Variants in SPAG16 observed in about 807,000 individuals in gnomAD.
SPAG16 encodes sperm associated antigen 16, also known as sperm-associated antigen 16 protein.
Under a neutral mutation model 80.4 loss-of-function variants are expected in SPAG16, and 86 were observed. The ratio of observed to expected loss-of-function variants is 1.07; its 90% CI spans 0.90 to 1.28. The LOEUF (loss-of-function observed/expected upper bound fraction) is 1.28, where lower values mean the gene tolerates loss of function less well. Among genes scored for constraint, SPAG16 ranks in the 50% most tolerant of loss-of-function variants. The pLI is 0.00. For missense variants in SPAG16, 870 were observed against 765.3 expected (o/e 1.14, Z -1.61); for synonymous variants, 294 against 265.9 (o/e 1.11, Z -1.03).
At chr2:213,672,335 C>G (rs1273390564) in intron 10 of SPAG16, among the ~76,000 whole-genome samples, 1 of 151,706 alleles carries the variant, frequency 6.6e-6, no homozygotes. Flanking sequence ...GCTCTTTTTT[C>G]TTCTTTTCCT....
intron 10 of SPAG16, among the ~76,000 whole-genome samples, chr2:213,718,540 C>A (rs1457863723): frequency 6.6e-6 from 1 of 152,224 alleles, no homozygotes; most frequent in Non-Finnish European, 1.5e-5. Context: ...TGCAGGCCAG[C>A]TGGAGTTCCG....
At chr2:213,921,029 A>G (rs563672397) in intron 11 of SPAG16, among the ~76,000 whole-genome samples, 1 of 152,288 alleles carries the variant, frequency 6.6e-6, no homozygotes, top group African/African-American at 2.4e-5. Flanking sequence ...GTTGGAGGGT[A>G]GGAATTAGTC....
At chr2:213,582,388 A>G (rs1229856846) in intron 10 of SPAG16, among the ~76,000 whole-genome samples, 1 of 152,114 alleles carries the variant, frequency 6.6e-6, no homozygotes, top group Non-Finnish European at 1.5e-5. Context: ...GTTCTTTCTT[A>G]TACAAAAGCA....
At chr2:213,759,803 G>A (rs942007925) in intron 10 of SPAG16, among the ~76,000 whole-genome samples, 4 of 152,162 alleles carry the variant, frequency 2.6e-5, no homozygotes, top group African/African-American at 9.7e-5. Flanking sequence ...TTGGGAGGCC[G>A]AGGTGGGTGG....
intron 11 of SPAG16, among the ~76,000 whole-genome samples, chr2:213,901,721 TATA>T (rs1219739013): frequency 3.3e-5 from 5 of 152,122 alleles, no homozygotes; most frequent in African/African-American, 1.2e-4. Context: ...TACAATAATC[TATA>T]GCACAGCATC....
At chr2:213,869,284 TA>T (rs1398206620) in intron 11 of SPAG16, among the ~76,000 whole-genome samples, 1 of 117,580 alleles carries the variant, frequency 8.5e-6, no homozygotes, top group Non-Finnish European at 1.9e-5. Context: ...TATATATGTA[TA>T]TATATATGTA....
At chr2:213,767,394 G>A in intron 10 of SPAG16, among the ~76,000 whole-genome samples, 1 of 152,106 alleles carries the variant, frequency 6.6e-6, no homozygotes, top group Non-Finnish European at 1.5e-5. Context: ...AAGGCTGGGT[G>A]CAGTGGCTCA....
chr2:213,710,830 C>T (rs1238441762), intron 10 of SPAG16, among the ~76,000 whole-genome samples: 1 of 152,138 alleles, frequency 6.6e-6, no homozygotes, highest in African/African-American at 2.4e-5. Flanking sequence ...TTTCTTTTCT[C>T]CCATCCTGAT....
chr2:213,956,508 T>C (rs2106338479), intron 12 of SPAG16, among the ~76,000 whole-genome samples: 1 of 144,376 alleles, frequency 6.9e-6, no homozygotes, highest in South Asian at 2.2e-4. Flanking sequence ...AGTGCAGTGG[T>C]GTAATCTCGG....
intron 6 of SPAG16, among the ~76,000 whole-genome samples, chr2:213,346,302 A>G (rs983600392): frequency 5.3e-5 from 8 of 152,162 alleles, no homozygotes; most frequent in African/African-American, 1.9e-4. Context: ...GGGGTTTTCT[A>G]GATATACAAT....
At chr2:213,710,954 T>C (rs773841194) in intron 10 of SPAG16, among the ~76,000 whole-genome samples, 1 of 152,144 alleles carries the variant, frequency 6.6e-6, no homozygotes, top group Non-Finnish European at 1.5e-5. Flanking sequence ...GCAAAAACCT[T>C]TTCTGGAATT....
rs757910477 is a variant in SPAG16 at position 213,350,646 on chromosome 2, GTAAAGATATAGTCAAAGC to G, written c.762+5_762+22del. ...GGAAAGAGACAAAGTAGTTGGGCAGGTAAAGATATAGTCAAAGCTAACTTAAAATGATCTTTTAATCAT... is the reference window on the plus strand; with the variant it reads ...GGAAAGAGACAAAGTAGTTGGGCAGGTAACTTAAAATGATCTTTTAATCAT... On this transcript the variant is annotated splice_donor_variant and splice_donor_5th_base_variant and intron_variant, in intron 7 of 15. Coordinates refer to ENST00000331683, the MANE Select transcript of SPAG16 (RefSeq NM_024532.5). LOFTEE classifies it high-confidence loss of function. The G allele has an allele frequency of 6.5e-7, 1 of 1,529,112 alleles. No individual in the cohort carries two copies. Among genetic ancestry groups the G allele is most frequent in the South Asian group, 1.2e-5 (1 of 81,682 alleles). The allele number at this position is 1,529,112 out of a possible 1,614,324, so 94.7% of individuals were successfully genotyped here. A position where few individuals can be genotyped will look rare whatever the true frequency, so the allele number is the denominator to read the frequency against.
chr2:214,388,810 A>G (rs1267983418), intron 15 of SPAG16, among the ~76,000 whole-genome samples: 1 of 152,210 alleles, frequency 6.6e-6, no homozygotes, highest in Non-Finnish European at 1.5e-5. Context: ...ATATGAATAT[A>G]CCACATATAT....
chr2:213,576,641 C>T (rs2060136930), intron 10 of SPAG16, among the ~76,000 whole-genome samples: 4 of 151,966 alleles, frequency 2.6e-5, no homozygotes, highest in African/African-American at 7.3e-5. Flanking sequence ...TACTATGGAG[C>T]CATAAAAAAG....
At chr2:213,520,280 T>A (rs2075609828) in intron 10 of SPAG16, among the ~76,000 whole-genome samples, 1 of 152,134 alleles carries the variant, frequency 6.6e-6, no homozygotes, top group Admixed American at 6.5e-5. Flanking sequence ...ACTTATGGCC[T>A]CCAGAACTGT....
At chr2:213,292,593 G>A (rs1050956933) in intron 1 of SPAG16, among the ~76,000 whole-genome samples, 10 of 147,570 alleles carry the variant, frequency 6.8e-5, no homozygotes, top group African/African-American at 2.3e-4. Context: ...GAACCCGGGA[G>A]GCGGAGCTTG....
intron 12 of SPAG16, among the ~76,000 whole-genome samples, chr2:213,968,349 C>T (rs1326593329): frequency 6.6e-6 from 1 of 151,994 alleles, no homozygotes; most frequent in Non-Finnish European, 1.5e-5. Flanking sequence ...CCTGCCACCA[C>T]ACCTGCCACC....
chr2:214,369,488 A>G (rs985308257), intron 15 of SPAG16, among the ~76,000 whole-genome samples: 2 of 151,876 alleles, frequency 1.3e-5, no homozygotes, highest in African/African-American at 4.8e-5. Flanking sequence ...CCTTGCTTCT[A>G]CCTCCTTCTC....
chr2:213,965,916 TG>T (rs1320102237), intron 12 of SPAG16, among the ~76,000 whole-genome samples: 37 of 152,306 alleles, frequency 2.4e-4, no homozygotes, highest in African/African-American at 8.7e-4. Context: ...CCTCTGGTTC[TG>T]TAGGAATACT....
Sources: gnomAD v4.1 joint callset for allele counts (sites outside exome capture counted in the v4.1 genomes callset) on GRCh38, gnomAD v4.1.1 for gene constraint, MANE v1.5 for transcripts, NCBI Gene and HGNC (gene_info 2026-07-23, HGNC 2026-07-21) for gene names.